Variants in MDGA2 observed in about 807,000 individuals in gnomAD.
MDGA2 encodes MAM domain-containing glycosylphosphatidylinositol anchor protein 2.
Under a neutral mutation model 117.8 loss-of-function variants are expected in MDGA2, and 40 were observed. That is an observed-to-expected ratio of 0.34 (90% confidence interval 0.26 to 0.44). The LOEUF is 0.44. MDGA2 is among the 20% of genes least tolerant of loss of function. The pLI, the probability that MDGA2 is intolerant of heterozygous loss-of-function variation, is 1.00. For synonymous variants in MDGA2, 452 were observed against 439.0 expected (o/e 1.03, Z -0.37); for missense variants, 1,123 against 1,250.6 (o/e 0.90, Z 1.54).
At chr14:47,517,069 G>A (rs1193141988) in intron 1 of MDGA2, among the ~76,000 whole-genome samples, 4 of 152,128 alleles carry the variant, frequency 2.6e-5, no homozygotes, top group Non-Finnish European at 5.9e-5. Flanking sequence ...TTAACAAATA[G>A]TTTATATATG....
At chr14:46,918,066 A>G (rs556885077) in intron 10 of MDGA2, among the ~76,000 whole-genome samples, 1 of 152,322 alleles carries the variant, frequency 6.6e-6, no homozygotes, top group Admixed American at 6.5e-5. Context: ...AAATTCTATG[A>G]ACTTAAAACA....
intron 1 of MDGA2, among the ~76,000 whole-genome samples, chr14:47,403,464 CCTCT>C (rs3039571): frequency 0.72 from 108,905 of 151,448 alleles, 39,406 homozygotes; most frequent in Middle Eastern, 0.82. Context: ...TGTATTTTTC[CCTCT>C]CTATTTTCTG....
chr14:47,536,186 G>T (rs1291977262), intron 1 of MDGA2, among the ~76,000 whole-genome samples: 2 of 152,164 alleles, frequency 1.3e-5, no homozygotes, highest in Non-Finnish European at 2.9e-5. Context: ...GTAAGGTAGG[G>T]TGAAGAATTA....
At chr14:46,987,161 A>G (rs149758046) in intron 8 of MDGA2, among the ~76,000 whole-genome samples, 107 of 152,150 alleles carry the variant, frequency 7.0e-4, no homozygotes, top group South Asian at 5.6e-3. Context: ...CAGAAAACTT[A>G]TTTTCAAATG....
At chr14:47,650,468 T>C (rs1049671245) in intron 1 of MDGA2, among the ~76,000 whole-genome samples, 1 of 152,180 alleles carries the variant, frequency 6.6e-6, no homozygotes, top group East Asian at 1.9e-4. Flanking sequence ...TCCATATCTG[T>C]ATGGGTTTTT....
At position 47,460,022 on chromosome 14, in the gene MDGA2, G is replaced by T. The variant is rs552442939; in HGVS notation, c.281-158472C>A. On this transcript the variant is annotated intron_variant, in intron 1 of 16. Coordinates refer to ENST00000399232, the MANE Select transcript of MDGA2 (RefSeq NM_001113498.3). The stretch of plus-strand genomic sequence containing the variant: ...TAGTAGTGGCTGTCTACCTTAATTT[G>T]TATCTGTTATTTTTAACTTCAAAAT... Among the ~76,000 whole-genome samples, 213 of 152,102 alleles carry T rather than the reference G, an allele frequency of 1.4e-3. 1 individual carries two copies. The highest frequency in any genetic ancestry group is 4.8e-3 in the African/African-American group (199 of 41,506).
chr14:47,449,032 T>C (rs935943190), intron 1 of MDGA2, among the ~76,000 whole-genome samples: 3 of 152,140 alleles, frequency 2.0e-5, no homozygotes, highest in Admixed American at 2.0e-4. Context: ...AAAGAAAGCA[T>C]TTCTCCAGTT....
chr14:47,019,614 C>T (rs548301443), intron 8 of MDGA2, among the ~76,000 whole-genome samples: 3 of 152,154 alleles, frequency 2.0e-5, no homozygotes, highest in African/African-American at 7.2e-5. Context: ...AAGGCCGAGG[C>T]GGGCGGATCA....
chr14:47,246,078 T>A (rs139576492), intron 2 of MDGA2, among the ~76,000 whole-genome samples: 1 of 151,984 alleles, frequency 6.6e-6, no homozygotes, highest in East Asian at 1.9e-4. Context: ...GCTCACTTCC[T>A]ACACTATGCT....
intron 1 of MDGA2, among the ~76,000 whole-genome samples, chr14:47,652,706 C>T (rs531279474): frequency 2.0e-5 from 3 of 152,034 alleles, no homozygotes; most frequent in Non-Finnish European, 4.4e-5. Context: ...AAATTAGTAC[C>T]TTATAACTCT....
At chr14:46,957,746 G>A in intron 8 of MDGA2, 103 bp from the exon 9 acceptor site, 1 of 1,273,886 alleles carries the variant, frequency 7.9e-7, no homozygotes, top group Non-Finnish European at 1.1e-6. Context: ...TGCAGCAATA[G>A]AGGAGGAGTG....
chr14:47,000,317 G>C (rs1450739767), intron 8 of MDGA2, among the ~76,000 whole-genome samples: 1 of 107,578 alleles, frequency 9.3e-6, no homozygotes, highest in East Asian at 3.9e-4. Context: ...AGACAGCTGT[G>C]AGTATATATA....
At chr14:47,543,523 C>T (rs2138760887) in intron 1 of MDGA2, among the ~76,000 whole-genome samples, 1 of 152,238 alleles carries the variant, frequency 6.6e-6, no homozygotes, top group South Asian at 2.1e-4. Flanking sequence ...TAAGCATGAT[C>T]CAAAGCAATG....
chr14:47,306,756 C>A (rs967631602), intron 1 of MDGA2, among the ~76,000 whole-genome samples: 1 of 151,778 alleles, frequency 6.6e-6, no homozygotes, highest in Non-Finnish European at 1.5e-5. Context: ...AACAGCTCAG[C>A]AAACCATGCT....
intron 3 of MDGA2, among the ~76,000 whole-genome samples, chr14:47,188,424 G>C (rs1884990386): frequency 1.3e-5 from 2 of 152,182 alleles, no homozygotes; most frequent in African/African-American, 4.8e-5. Flanking sequence ...GGCTGTGAGG[G>C]AACAGCAGTT....
intron 1 of MDGA2, among the ~76,000 whole-genome samples, chr14:47,408,577 G>A (rs1285878073): frequency 6.6e-6 from 1 of 152,100 alleles, no homozygotes; most frequent in East Asian, 1.9e-4. Context: ...GCCATCAGCC[G>A]GAAATCAGCA....
At chr14:47,167,883 G>A (rs1209087817) in intron 3 of MDGA2, among the ~76,000 whole-genome samples, 1 of 152,160 alleles carries the variant, frequency 6.6e-6, no homozygotes, top group African/African-American at 2.4e-5. Context: ...TGCTGCCTGT[G>A]TAATGTCCCA....
At chr14:47,161,923 GA>G (rs1333996276) in intron 3 of MDGA2, among the ~76,000 whole-genome samples, 2 of 98,432 alleles carry the variant, frequency 2.0e-5, no homozygotes, top group East Asian at 7.4e-4. Context: ...CCCCTCCCCA[GA>G]TCCTTTTTTT....
chr14:47,160,071 T>G (rs181017137), intron 3 of MDGA2, among the ~76,000 whole-genome samples: 1 of 152,258 alleles, frequency 6.6e-6, no homozygotes, highest in Admixed American at 6.5e-5. Flanking sequence ...TAATTTTATT[T>G]TCTTTTGATG....
Sources: gnomAD v4.1 joint callset for allele counts (sites outside exome capture counted in the v4.1 genomes callset) on GRCh38, gnomAD v4.1.1 for gene constraint, MANE v1.5 for transcripts, NCBI Gene and HGNC (gene_info 2026-07-23, HGNC 2026-07-21) for gene names.